ADAMTS18: variants seen among roughly 807,000 people sequenced by gnomAD.
ADAMTS18 encodes A disintegrin and metalloproteinase with thrombospondin motifs 18.
In ADAMTS18, 157 loss-of-function variants were observed where a neutral mutation model predicts 165.9. That is an observed-to-expected ratio of 0.95 (90% CI 0.83 to 1.08). The LOEUF is 1.08. Among genes scored for constraint, ADAMTS18 ranks in the 50% least tolerant of loss-of-function variants. The probability of loss-of-function intolerance (pLI) is 0.00; values close to 1 mark genes in which losing one functional copy is unlikely to be tolerated. For synonymous variants in ADAMTS18, 782 were observed against 578.2 expected, an observed-to-expected ratio of 1.35 and a Z score of -5.06; for missense variants, 2,040 against 1,534.0, an observed-to-expected ratio of 1.33 and a Z score of -5.51.
At chr16:77,287,695 C>G (rs904816072) in intron 22 of ADAMTS18, among the ~76,000 whole-genome samples, 3 of 152,140 alleles carry the variant, frequency 2.0e-5, no homozygotes. Context: ...TGGTCTCAAA[C>G]TCCGGACCTC....
intron 3 of ADAMTS18, among the ~76,000 whole-genome samples, chr16:77,402,457 C>T (rs907174283): frequency 8.5e-5 from 13 of 152,094 alleles, no homozygotes; most frequent in Non-Finnish European, 1.6e-4. Context: ...TTTCCAGGCT[C>T]CTGCAAATCC....
At chr16:77,308,626 G>A (rs1051938540) in intron 16 of ADAMTS18, among the ~76,000 whole-genome samples, 3 of 150,792 alleles carry the variant, frequency 2.0e-5, no homozygotes, top group African/African-American at 7.3e-5. Context: ...TATTGCCAAG[G>A]TCTCCTAAAA....
chr16:77,329,948 A>C (rs1223734718), intron 12 of ADAMTS18, among the ~76,000 whole-genome samples: 1 of 152,214 alleles, frequency 6.6e-6, no homozygotes, highest in Non-Finnish European at 1.5e-5. Context: ...CCTGACTACA[A>C]ATAGTTACAA....
intron 12 of ADAMTS18, 116 bp downstream of exon 12, chr16:77,335,640 G>T (rs1292060488): frequency 7.9e-7 from 1 of 1,272,380 alleles, no homozygotes; most frequent in Non-Finnish European, 1.1e-6. Flanking sequence ...TAACCATTAT[G>T]TAGCCATAAT....
intron 16 of ADAMTS18, among the ~76,000 whole-genome samples, chr16:77,307,474 A>C (rs1308204802): frequency 6.6e-6 from 1 of 152,220 alleles, no homozygotes; most frequent in African/African-American, 2.4e-5. Flanking sequence ...GGGCTGACAC[A>C]TTGAACCTTG....
At chr16:77,342,451 T>A (rs2056412800) in intron 10 of ADAMTS18, among the ~76,000 whole-genome samples, 1 of 117,746 alleles carries the variant, frequency 8.5e-6, no homozygotes, top group Non-Finnish European at 1.8e-5. Context: ...GTGCTGTTTA[T>A]AGTTTATTGA....
At chr16:77,361,865 C>A (rs897294989) in intron 7 of ADAMTS18, among the ~76,000 whole-genome samples, 16 of 150,070 alleles carry the variant, frequency 1.1e-4, no homozygotes, top group African/African-American at 3.9e-4. Flanking sequence ...GCCTGGGCAA[C>A]AAGAGTGAAA....
At chr16:77,419,666 G>A (rs1160595816) in intron 3 of ADAMTS18, among the ~76,000 whole-genome samples, 1 of 152,076 alleles carries the variant, frequency 6.6e-6, no homozygotes, top group Non-Finnish European at 1.5e-5. Flanking sequence ...TGAATACTTG[G>A]AGAAAGTGTC....
intron 16 of ADAMTS18, among the ~76,000 whole-genome samples, chr16:77,306,196 G>A (rs1236625080): frequency 1.3e-5 from 2 of 152,174 alleles, no homozygotes; most frequent in African/African-American, 2.4e-5. Flanking sequence ...ATTTACAGCT[G>A]GCAAGCAACC....
At chr16:77,432,258 T>A (rs1193909902) in intron 2 of ADAMTS18, among the ~76,000 whole-genome samples, 1 of 152,212 alleles carries the variant, frequency 6.6e-6, no homozygotes, top group Non-Finnish European at 1.5e-5. Flanking sequence ...ACAGGGATGA[T>A]CCCATTTAAT....
intron 3 of ADAMTS18, among the ~76,000 whole-genome samples, chr16:77,369,117 C>A (rs2056840549): frequency 6.6e-6 from 1 of 152,200 alleles, no homozygotes; most frequent in African/African-American, 2.4e-5. Flanking sequence ...GGCCTCACCC[C>A]AAACCTGCTG....
rs191736499 is a variant in ADAMTS18, at chr16:77,342,181, T to G, written c.1615-382A>C. ...AGTCTTCATCCTGAAATGCCTGGTT[T>G]CATGCCCTATGGACATGTTATGGAA... is the stretch of plus-strand genomic sequence containing the variant. On this transcript the variant is annotated intron_variant, in intron 10 of 22. Transcript: ENST00000282849. Among the ~76,000 whole-genome samples the G allele has an allele frequency of 1.2e-3, 180 of 152,324 alleles. 2 individuals are homozygous for G. The highest frequency in any genetic ancestry group is 4.1e-3 in the African/African-American group (171 of 41,572).
intron 10 of ADAMTS18, among the ~76,000 whole-genome samples, chr16:77,349,960 A>G (rs2056531891): frequency 6.6e-6 from 1 of 152,218 alleles, no homozygotes; most frequent in Non-Finnish European, 1.5e-5. Context: ...TGTGCTGGCT[A>G]CTGAGGTACA....
intron 3 of ADAMTS18, among the ~76,000 whole-genome samples, chr16:77,406,134 G>A (rs2057390677): frequency 1.3e-5 from 2 of 152,034 alleles, no homozygotes. Context: ...ATTTACAAAT[G>A]AAATCTAGCA....
At chr16:77,380,592 C>A (rs2057016558) in intron 3 of ADAMTS18, among the ~76,000 whole-genome samples, 1 of 152,200 alleles carries the variant, frequency 6.6e-6, no homozygotes, top group African/African-American at 2.4e-5. Context: ...CTACTGCATA[C>A]ATTTTAATAT....
intron 16 of ADAMTS18, among the ~76,000 whole-genome samples, chr16:77,313,559 A>G (rs2055825158): frequency 1.3e-5 from 2 of 152,070 alleles, no homozygotes; most frequent in South Asian, 4.2e-4. Flanking sequence ...TATGACCAAA[A>G]CTGGAGAGAC....
At chr16:77,404,173 TGGA>T (rs1043807029) in intron 3 of ADAMTS18, among the ~76,000 whole-genome samples, 1 of 151,714 alleles carries the variant, frequency 6.6e-6, no homozygotes, top group African/African-American at 2.4e-5. Context: ...GAGGAGGAGG[TGGA>T]GGAGCAAAAA....
intron 16 of ADAMTS18, among the ~76,000 whole-genome samples, chr16:77,307,194 A>G (rs1464156049): frequency 1.5e-4 from 23 of 152,240 alleles, no homozygotes; most frequent in Non-Finnish European, 3.2e-4. Context: ...TTTTCTTGAT[A>G]AAGCCCAAAT....
Position 77,393,477 on chromosome 16 carries a change from T to A in ADAMTS18, c.496-25754A>T, listed in dbSNP as rs1055057826. ...TTTGTATCACTCCAACATTCACATG[T>A]TGAAACCCAATCACCAAGATGATGG... is the stretch of plus-strand genomic sequence containing the variant. On this transcript the variant is annotated intron_variant, in intron 3 of 22. Transcript: ENST00000282849. Among the ~76,000 whole-genome samples the A allele has an allele frequency of 5.9e-5, 9 of 152,312 alleles. No individual in the cohort carries two copies. In the East Asian group the frequency reaches 1.5e-3, roughly 26 times the overall value.
Sources: gnomAD v4.1 joint callset for allele counts (sites outside exome capture counted in the v4.1 genomes callset) on GRCh38, gnomAD v4.1.1 for gene constraint, MANE v1.5 for transcripts, NCBI Gene and HGNC (gene_info 2026-07-23, HGNC 2026-07-21) for gene names.